Variants in FAXDC2 observed in about 807,000 individuals in gnomAD.
FAXDC2 encodes the protein fatty acid hydroxylase domain containing 2.
FAXDC2 carries 41 observed loss-of-function variants against 40.9 expected under a neutral mutation model. The ratio of observed to expected loss-of-function variants is 1.00; its 90% confidence interval spans 0.78 to 1.30. FAXDC2 has a LOEUF of 1.30. FAXDC2 is among the 50% of genes most tolerant of loss of function. The pLI is 0.00. For synonymous variants in FAXDC2, 157 were observed against 149.3 expected, an observed-to-expected ratio of 1.05 and a Z score of -0.38; for missense variants, 390 against 408.8, an observed-to-expected ratio of 0.95 and a Z score of 0.40.
intron 6 of FAXDC2, among the ~76,000 whole-genome samples, chr5:154,822,792 A>G (rs1224112137): frequency 6.6e-6 from 1 of 152,162 alleles, no homozygotes; most frequent in African/African-American, 2.4e-5. Context: ...TCGCTGTAAA[A>G]TGGGATGCTG....
intron 1 of FAXDC2, among the ~76,000 whole-genome samples, chr5:154,844,950 C>G (rs1760564780): frequency 6.6e-6 from 1 of 152,148 alleles, no homozygotes; most frequent in South Asian, 2.1e-4. Flanking sequence ...ACCTTCTGGC[C>G]AAAGGGAAAA....
intron 1 of FAXDC2, among the ~76,000 whole-genome samples, chr5:154,840,648 A>T (rs1255417450): frequency 6.6e-6 from 1 of 151,966 alleles, no homozygotes; most frequent in Non-Finnish European, 1.5e-5. Flanking sequence ...GACTCATGCA[A>T]TTCTCCCACT....
intron 7 of FAXDC2, 49 bp downstream of exon 7, chr5:154,822,423 G>T: frequency 1.5e-6 from 2 of 1,337,852 alleles, no homozygotes; most frequent in South Asian, 1.2e-5. Context: ...TCAGGAAGGT[G>T]GTTGGGGCCA....
In FAXDC2 at chr5:154,831,299, G is replaced by T. The variant is rs112489396; in HGVS notation, c.245-377C>A. 214 of 190,712 alleles carry T rather than the reference G, an allele frequency of 1.1e-3. 1 individual carries two copies. Among genetic ancestry groups the T allele is most frequent in the African/African-American group, 4.7e-3 (204 of 43,302 alleles). The allele number at this position is 190,712 out of a possible 1,614,324, so 11.8% of individuals were successfully genotyped here. Reference sequence around the variant, plus strand: ...TGCCAAGGAAGGAGAAGCAAAGGAAGTACTCTGTATGGTATGGGTCACAGT... The same window carrying T: ...TGCCAAGGAAGGAGAAGCAAAGGAATTACTCTGTATGGTATGGGTCACAGT... On this transcript the variant is annotated intron_variant, in intron 4 of 8. Transcript: ENST00000326080.
chr5:154,822,250 C>T, intron 7 of FAXDC2: 1 of 507,364 alleles, frequency 2.0e-6, no homozygotes, highest in Non-Finnish European at 3.5e-6. Flanking sequence ...AGAGCAAGAC[C>T]CTGTCTCAAA....
chr5:154,842,511 T>TG (rs1191540819), intron 1 of FAXDC2, among the ~76,000 whole-genome samples: 2 of 120,176 alleles, frequency 1.7e-5, no homozygotes, highest in Non-Finnish European at 3.4e-5. Flanking sequence ...GCCCTTTGTG[T>TG]GTTTTTTTTT....
intron 5 of FAXDC2, among the ~76,000 whole-genome samples, chr5:154,828,690 A>G (rs928769232): frequency 4.0e-5 from 6 of 150,926 alleles, no homozygotes; most frequent in Admixed American, 1.3e-4. Context: ...TTGAACTCCT[A>G]GGTTCAAGTG....
At position 154,827,999 on chromosome 5, in the gene FAXDC2, G is replaced by A. The variant is rs143615592; in HGVS notation, c.366+2802C>T. 3.2e-3 allele frequency among the ~76,000 whole-genome samples: 488 copies of A among 151,066 alleles called. 3 individuals are homozygous for A. The highest frequency in any genetic ancestry group is 0.012 in the African/African-American group (475 of 41,080). ...CAAGTAGCTGGGACTACAGGCAAAC[G>A]CCACCTCACTTGCCTAGTTAAAAAA... On this transcript the variant is annotated intron_variant, in intron 5 of 8. Transcript: ENST00000326080.
At chr5:154,848,902 G>T (rs1448878024) in intron 1 of FAXDC2, among the ~76,000 whole-genome samples, 4 of 152,096 alleles carry the variant, frequency 2.6e-5, no homozygotes, top group Non-Finnish European at 4.4e-5. Context: ...GGGAGGCGGA[G>T]GTTGCAGTGA....
chr5:154,835,325 T>G, intron 2 of FAXDC2: 1 of 178,908 alleles, frequency 5.6e-6, no homozygotes, highest in Non-Finnish European at 1.2e-5. Flanking sequence ...TTAAAAAAAG[T>G]CCCAATACCC....
intron 2 of FAXDC2, 59 bp downstream of exon 2, chr5:154,838,072 A>G: frequency 8.7e-7 from 1 of 1,146,614 alleles, no homozygotes; most frequent in Non-Finnish European, 1.3e-6. Context: ...AAGTGCAGCT[A>G]TGGCAAAGAG....
At chr5:154,842,968 A>G (rs1415565597) in intron 1 of FAXDC2, among the ~76,000 whole-genome samples, 1 of 152,170 alleles carries the variant, frequency 6.6e-6, no homozygotes, top group East Asian at 1.9e-4. Flanking sequence ...CACCAGGCCC[A>G]GCTCAAATAT....
chr5:154,824,442 C>A, intron 5 of FAXDC2: 2 of 701,880 alleles, frequency 2.8e-6, no homozygotes, highest in South Asian at 3.0e-5. Context: ...TCAGAATGGT[C>A]CCCAGCTTGA....
At position 154,823,541 on chromosome 5, in the gene FAXDC2, A is replaced by G. The variant is rs576738808; in HGVS notation, c.418T>C (p.Cys140Arg). 6.4e-5 allele frequency: 103 copies of G among 1,614,194 alleles called. 5 individuals carry two copies. The South Asian group carries it at 1.1e-3, about 17-fold the overall frequency. ...ACCACCATGGGGAAAGATATCATGC[A>G]CTGGTTGAAAAGAACTGTGCGGATA... ...QSIRTVLFNQ[C>R]MISFPMVVFL... Residue 140 changes from cysteine (C) to arginine (R), a missense_variant, in exon 6 of 9, where the codon TGC becomes CGC. Coordinates refer to ENST00000326080, the MANE Select transcript of FAXDC2 (RefSeq NM_032385.5).
intron 8 of FAXDC2, 122 bp downstream of exon 8, chr5:154,821,138 C>A: frequency 1.2e-6 from 1 of 847,674 alleles, no homozygotes; most frequent in Non-Finnish European, 1.9e-6. Flanking sequence ...TCCCAGCCAT[C>A]AGACCTCTTC....
intron 1 of FAXDC2, among the ~76,000 whole-genome samples, chr5:154,847,773 G>A (rs753613292): frequency 1.3e-5 from 2 of 151,752 alleles, no homozygotes; most frequent in Admixed American, 1.3e-4. Flanking sequence ...TTACAGGCAT[G>A]AGCCACTGCG....
rs757350303 is a variant in FAXDC2 at position 154,834,730 on chromosome 5, T to C, written c.141-2A>G. 1 of 1,613,422 alleles carries C rather than the reference T, an allele frequency of 6.2e-7. No individual in the cohort carries two copies. Among genetic ancestry groups the C allele is most frequent in the East Asian group, 2.2e-5 (1 of 44,866 alleles). On this transcript the variant is annotated splice_acceptor_variant, in intron 3 of 8. Coordinates refer to ENST00000326080, the MANE Select transcript of FAXDC2 (RefSeq NM_032385.5). LOFTEE classifies it high-confidence loss of function. ...GCACCCCAAAATCTCTGAAGATGCC[T>C]TGGAAAAAAAACCAGGTTTCTGGGT...
At chr5:154,824,331 T>C (rs1561652264) in intron 5 of FAXDC2, 7 of 619,906 alleles carry the variant, frequency 1.1e-5, no homozygotes, top group Middle Eastern at 3.5e-4. Flanking sequence ...CCTGTGACCA[T>C]AGATTACTTC....
At chr5:154,837,242 T>C (rs920302002) in intron 2 of FAXDC2, among the ~76,000 whole-genome samples, 1 of 152,162 alleles carries the variant, frequency 6.6e-6, no homozygotes, top group Admixed American at 6.6e-5. Context: ...TCAGGCTGGA[T>C]TGGCCAGACC....
Sources: gnomAD v4.1 joint callset for allele counts (sites outside exome capture counted in the v4.1 genomes callset) on GRCh38, gnomAD v4.1.1 for gene constraint, MANE v1.5 for transcripts, NCBI Gene and HGNC (gene_info 2026-07-23, HGNC 2026-07-21) for gene names.